The following CYP4F22 variants were observed in gnomAD, a reference collection of about 807,000 sequenced individuals.
CYP4F22 encodes the protein ultra-long-chain fatty acid omega-hydroxylase.
CYP4F22 carries 37 observed loss-of-function variants against 60.4 expected under a neutral mutation model. The ratio of observed to expected loss-of-function variants is 0.61; its 90% CI spans 0.47 to 0.81. The LOEUF (loss-of-function observed/expected upper bound fraction) is 0.81. Among genes scored for constraint, CYP4F22 ranks in the 30% least tolerant of loss-of-function variants. The pLI is 0.00. For missense variants in CYP4F22, 655 were observed against 715.0 expected, an observed-to-expected ratio of 0.92 and a Z score of 0.96; for synonymous variants, 258 against 280.5, an observed-to-expected ratio of 0.92 and a Z score of 0.80.
intron 2 of CYP4F22, 67 bp from the exon 3 acceptor site, chr19:15,525,269 C>G: frequency 6.7e-7 from 1 of 1,492,668 alleles, no homozygotes; most frequent in Non-Finnish European, 9.2e-7. Flanking sequence ...ACTAGGCACA[C>G]CATGCATTAC....
At chr19:15,547,745 C>A (rs1320483028) in intron 10 of CYP4F22, among the ~76,000 whole-genome samples, 1 of 151,628 alleles carries the variant, frequency 6.6e-6, no homozygotes, top group African/African-American at 2.4e-5. Context: ...ATTGCTTGAA[C>A]CTGCAAGGCT....
intron 13 of CYP4F22, among the ~76,000 whole-genome samples, chr19:15,551,053 C>A (rs1203396587): frequency 1.3e-5 from 2 of 152,090 alleles, no homozygotes; most frequent in African/African-American, 4.8e-5. Flanking sequence ...TCAGAGGGGG[C>A]GCTGTGTATC....
intron 7 of CYP4F22, among the ~76,000 whole-genome samples, chr19:15,538,331 T>C (rs1971423120): frequency 6.6e-6 from 1 of 152,160 alleles, no homozygotes; most frequent in Admixed American, 6.6e-5. Context: ...TCCTCCCCAC[T>C]TTCTGAGGCT....
At chr19:15,530,457 T>G (rs1030867851) in intron 4 of CYP4F22, among the ~76,000 whole-genome samples, 4 of 152,194 alleles carry the variant, frequency 2.6e-5, no homozygotes, top group African/African-American at 9.7e-5. Context: ...GACCTGGGTA[T>G]GTCTGTGTCC....
chr19:15,544,310 C>A (rs759995594), intron 10 of CYP4F22, 31 bp downstream of exon 10: 2 of 1,605,174 alleles, frequency 1.2e-6, no homozygotes, highest in Non-Finnish European at 1.7e-6. Flanking sequence ...ATGGAGGGGG[C>A]AGGTTGAGGC....
At chr19:15,527,374 TC>T (rs1971294658) in intron 3 of CYP4F22, among the ~76,000 whole-genome samples, 1 of 152,142 alleles carries the variant, frequency 6.6e-6, no homozygotes, top group South Asian at 2.1e-4. Context: ...TAGAATCACT[TC>T]CCACTCCTGT....
intron 2 of CYP4F22, among the ~76,000 whole-genome samples, chr19:15,524,860 G>C (rs1324416363): frequency 6.6e-6 from 1 of 152,144 alleles, no homozygotes. Context: ...AAAAGAAAGA[G>C]GGGGAAAGGA....
At chr19:15,533,182 T>G (rs904006756) in intron 4 of CYP4F22, among the ~76,000 whole-genome samples, 65 of 152,336 alleles carry the variant, frequency 4.3e-4, no homozygotes, top group African/African-American at 1.5e-3. Flanking sequence ...ATAAACATGC[T>G]TTATAGAGAA....
chr19:15,515,601 C>T (rs573491760), intron 1 of CYP4F22, among the ~76,000 whole-genome samples: 7 of 152,106 alleles, frequency 4.6e-5, no homozygotes, highest in South Asian at 2.1e-4. Flanking sequence ...TGGCGCATGC[C>T]GGTAATCTTA....
intron 11 of CYP4F22, 108 bp from the exon 12 acceptor site, chr19:15,549,030 C>T: frequency 8.3e-7 from 1 of 1,202,354 alleles, no homozygotes; most frequent in Non-Finnish European, 1.2e-6. Context: ...AAGGTGGTGG[C>T]AGATGGCTCA....
intron 13 of CYP4F22, 42 bp downstream of exon 13, chr19:15,550,798 AAC>A: frequency 1.2e-6 from 2 of 1,606,790 alleles, no homozygotes; most frequent in Non-Finnish European, 1.7e-6. Flanking sequence ...GCTGTGTAGG[AAC>A]AGAGGCAGGG....
chr19:15,518,360 G>A (rs2069956414), intron 1 of CYP4F22, among the ~76,000 whole-genome samples: 1 of 151,792 alleles, frequency 6.6e-6, no homozygotes, highest in African/African-American at 2.4e-5. Context: ...GTGATAAAAG[G>A]CCGGGCACGG....
Position 15,529,864 on chromosome 19 carries a change from T to C in CYP4F22, c.367+11T>C, listed in dbSNP as rs1971323765. On this transcript the variant is annotated intron_variant, in intron 4 of 13. Transcript: ENST00000269703. ...TTTTGGGAGCCTCAGGTACGTGGGC[T>C]GGGCCTCCGATCTATGGTTGAGTCC... 1 of 1,613,840 alleles carries C rather than the reference T, an allele frequency of 6.2e-7. No individual in the cohort carries two copies. Among genetic ancestry groups the C allele is most frequent in the Non-Finnish European group, 8.5e-7 (1 of 1,180,026 alleles).
intron 7 of CYP4F22, 82 bp from the exon 8 acceptor site, chr19:15,540,368 C>T (rs1303278237): frequency 6.5e-7 from 1 of 1,543,420 alleles, no homozygotes; most frequent in South Asian, 1.1e-5. Context: ...TCAATGGGGA[C>T]AGGAGGCTTA....
At chr19:15,536,781 G>A (rs1381756037) in intron 4 of CYP4F22, among the ~76,000 whole-genome samples, 2 of 152,146 alleles carry the variant, frequency 1.3e-5, no homozygotes, top group South Asian at 2.1e-4. Flanking sequence ...GGCATACAGG[G>A]GCCAGATGGA....
Position 15,547,018 on chromosome 19 carries a change from G to GTTTTTTTTTTTTTTT in CYP4F22, c.1137-1082_1137-1068dup, listed in dbSNP as rs71176432. ...GAGCCACCATGCCTGGCCTGCACCA[G>GTTTTTTTTTTTTTTT]TTTTTTTTTTTTTTTTTTTTTTAAG... On this transcript the variant is annotated intron_variant, in intron 10 of 13. Coordinates refer to ENST00000269703, the MANE Select transcript of CYP4F22 (RefSeq NM_173483.4). Among the ~76,000 whole-genome samples the GTTTTTTTTTTTTTTT allele has an allele frequency of 3.7e-3, 305 of 82,286 alleles. 33 individuals carry two copies. The highest frequency in any genetic ancestry group is 0.017 in the East Asian group (32 of 1,874). The allele number at this position is 82,286 out of a possible 152,430, so 54.0% of individuals were successfully genotyped here.
At chr19:15,537,338 C>A (rs1212408668) in intron 4 of CYP4F22, 23 bp from the exon 5 acceptor site, 1 of 1,613,928 alleles carries the variant, frequency 6.2e-7, no homozygotes, top group Non-Finnish European at 8.5e-7. Context: ...TTTGAGTCAC[C>A]ATTTTCCCTT....
chr19:15,533,034 C>A (rs970311224), intron 4 of CYP4F22, among the ~76,000 whole-genome samples: 2 of 152,216 alleles, frequency 1.3e-5, no homozygotes, highest in Admixed American at 6.5e-5. Flanking sequence ...TGGGGCCACA[C>A]CTGGGAGTGG....
intron 4 of CYP4F22, 53 bp downstream of exon 4, chr19:15,529,906 A>G (rs753840100): frequency 4.1e-5 from 66 of 1,610,836 alleles, no homozygotes; most frequent in Non-Finnish European, 5.5e-5. Context: ...CCCAGAGCCT[A>G]TCTGAGATTC....
Sources: gnomAD v4.1 joint callset for allele counts (sites outside exome capture counted in the v4.1 genomes callset) on GRCh38, gnomAD v4.1.1 for gene constraint, MANE v1.5 for transcripts, NCBI Gene and HGNC (gene_info 2026-07-23, HGNC 2026-07-21) for gene names.